Variants in MARCHF8 observed in about 807,000 individuals in gnomAD.
The protein encoded by MARCHF8 is membrane associated ring-CH-type finger 8, also known as E3 ubiquitin-protein ligase MARCHF8.
In MARCHF8, 40 loss-of-function variants were observed where a neutral mutation model predicts 51.6. The observed-to-expected ratio is 0.77, with a 90% CI of 0.60 to 1.01. The LOEUF (loss-of-function observed/expected upper bound fraction) is 1.01. Ranked by LOEUF, MARCHF8 falls within the 50% of genes least tolerant of loss-of-function variation. MARCHF8 has a pLI of 0.00. For missense variants in MARCHF8, 685 were observed against 708.6 expected, an observed-to-expected ratio of 0.97 and a Z score of 0.38; for synonymous variants, 263 against 280.3, an observed-to-expected ratio of 0.94 and a Z score of 0.62.
intron 1 of MARCHF8, among the ~76,000 whole-genome samples, chr10:45,540,637 C>T (rs1269912773): frequency 2.0e-5 from 3 of 152,262 alleles, no homozygotes; most frequent in African/African-American, 7.2e-5. Flanking sequence ...AGGCAACCTA[C>T]AGAATGGGAG....
In MARCHF8 at chr10:45,466,074, A is replaced by T. The variant is rs113063564; in HGVS notation, c.154-1747T>A. Among the ~76,000 whole-genome samples, 11 of 152,136 alleles carry T rather than the reference A, an allele frequency of 7.2e-5. 2 individuals are homozygous for T. The highest frequency in any genetic ancestry group is 2.2e-4 in the African/African-American group (9 of 41,496). On this transcript the variant is annotated intron_variant, in intron 3 of 7. Coordinates refer to ENST00000453424, the MANE Select transcript of MARCHF8 (RefSeq NM_001282866.2). The stretch of plus-strand genomic sequence containing the variant: ...TGTCCTTTTTCTCCAACTGCCTTAG[A>T]CACTGTCCCCTCTCCAGCATCCTCC...
chr10:45,474,266 A>T (rs2042746699), intron 3 of MARCHF8, among the ~76,000 whole-genome samples: 1 of 152,162 alleles, frequency 6.6e-6, no homozygotes, highest in African/African-American at 2.4e-5. Context: ...CAGTGGTGGC[A>T]CAGGACACAA....
At chr10:45,565,692 C>T (rs893988259) in intron 1 of MARCHF8, among the ~76,000 whole-genome samples, 1 of 151,982 alleles carries the variant, frequency 6.6e-6, no homozygotes, top group Admixed American at 6.5e-5. Context: ...AACTAGTAGA[C>T]CTAAACCCAA....
At chr10:45,461,531 T>C (rs989594193) in intron 5 of MARCHF8, 120 bp from the exon 6 acceptor site, 6 of 757,178 alleles carry the variant, frequency 7.9e-6, no homozygotes, top group African/African-American at 1.8e-5. Context: ...GAAGTGACTA[T>C]GGGCACAAAA....
intron 2 of MARCHF8, among the ~76,000 whole-genome samples, chr10:45,512,772 T>C (rs1190586086): frequency 2.0e-5 from 3 of 151,836 alleles, no homozygotes; most frequent in Non-Finnish European, 2.9e-5. Context: ...GGCGGTTTTG[T>C]GGAATAGAAA....
intron 1 of MARCHF8, among the ~76,000 whole-genome samples, chr10:45,533,752 C>T (rs2043928527): frequency 6.6e-6 from 1 of 152,060 alleles, no homozygotes; most frequent in African/African-American, 2.4e-5. Flanking sequence ...CCATACTTAA[C>T]CTTCCAAAAG....
chr10:45,515,053 T>C (rs939087402), intron 2 of MARCHF8, among the ~76,000 whole-genome samples: 1 of 152,254 alleles, frequency 6.6e-6, no homozygotes, highest in Non-Finnish European at 1.5e-5. Context: ...GGAATTTTCC[T>C]GGTTTCAGGC....
intron 2 of MARCHF8, among the ~76,000 whole-genome samples, chr10:45,514,600 T>C (rs1319430877): frequency 6.6e-6 from 1 of 152,254 alleles, no homozygotes; most frequent in Non-Finnish European, 1.5e-5. Context: ...GAATAATTCA[T>C]GACAAGTCCA....
chr10:45,470,389 C>T (rs1408576553), intron 3 of MARCHF8, among the ~76,000 whole-genome samples: 1 of 152,214 alleles, frequency 6.6e-6, no homozygotes, highest in Non-Finnish European at 1.5e-5. Flanking sequence ...CACATGACCC[C>T]TTCCCATCTT....
At chr10:45,561,828 G>A (rs1160593812) in intron 1 of MARCHF8, among the ~76,000 whole-genome samples, 2 of 144,482 alleles carry the variant, frequency 1.4e-5, no homozygotes, top group Non-Finnish European at 3.0e-5. Flanking sequence ...GTGAACCCAG[G>A]AAGCAGAGCT....
intron 1 of MARCHF8, among the ~76,000 whole-genome samples, chr10:45,588,746 C>G (rs1471312464): frequency 6.6e-6 from 1 of 151,988 alleles, no homozygotes; most frequent in Admixed American, 6.6e-5. Context: ...TGCCTGTAAT[C>G]CCAGCACTTT....
chr10:45,458,500 G>A lies in MARCHF8; in HGVS notation c.1461C>T (p.Ala487=), dbSNP rs1314844445. The change falls in exon 8 of 8, where the codon GCC becomes GCT. Residue 487 remains alanine, a synonymous_variant. Transcript: ENST00000453424. ...AAAGAAGTCCTCCGGTGAAGCCGAT[G>A]GCCACAACCACCAATTTAGTCCAAA... ...WPFWTKLVVV[A]IGFTGGLLFM... is the part of the protein sequence containing the mutation. 6.2e-7 allele frequency: 1 copy of A among 1,610,512 alleles called. No individual in the cohort carries two copies. Among genetic ancestry groups the A allele is most frequent in the Non-Finnish European group, 8.5e-7 (1 of 1,178,744 alleles).
At chr10:45,569,479 A>G (rs2044404651) in intron 1 of MARCHF8, among the ~76,000 whole-genome samples, 1 of 152,146 alleles carries the variant, frequency 6.6e-6, no homozygotes, top group African/African-American at 2.4e-5. Flanking sequence ...GATCTTTCTA[A>G]TGTATTGCTC....
intron 2 of MARCHF8, among the ~76,000 whole-genome samples, chr10:45,514,807 T>C (rs2043592282): frequency 6.6e-6 from 1 of 152,154 alleles, no homozygotes; most frequent in African/African-American, 2.4e-5. Flanking sequence ...TTTTTTAATG[T>C]AGAAAAGCTA....
At chr10:45,478,952 T>G (rs1041196962) in intron 3 of MARCHF8, among the ~76,000 whole-genome samples, 2 of 152,214 alleles carry the variant, frequency 1.3e-5, no homozygotes, top group Admixed American at 6.5e-5. Context: ...AATTCTTCTC[T>G]ATTCCAAAAA....
chr10:45,490,284 T>A (rs1159372381), intron 2 of MARCHF8, among the ~76,000 whole-genome samples: 3 of 152,172 alleles, frequency 2.0e-5, no homozygotes, highest in African/African-American at 7.2e-5. Context: ...ATAGGGACTT[T>A]AAAGATGTAA....
chr10:45,503,532 G>C (rs71494798), intron 2 of MARCHF8, among the ~76,000 whole-genome samples: 2 of 112,972 alleles, frequency 1.8e-5, no homozygotes, highest in Non-Finnish European at 3.7e-5. Context: ...ACGAGACTCC[G>C]TCTCAAATAA....
chr10:45,533,979 C>G (rs928352922), intron 1 of MARCHF8, among the ~76,000 whole-genome samples: 4 of 152,110 alleles, frequency 2.6e-5, no homozygotes, highest in South Asian at 2.1e-4. Context: ...GTCAGGAGAT[C>G]GAGACCACCC....
intron 2 of MARCHF8, among the ~76,000 whole-genome samples, chr10:45,503,591 A>T (rs986371507): frequency 6.6e-5 from 10 of 150,412 alleles, no homozygotes; most frequent in African/African-American, 2.4e-4. Flanking sequence ...AAAAATAAAT[A>T]AAAAACAACC....
Sources: gnomAD v4.1 joint callset for allele counts (sites outside exome capture counted in the v4.1 genomes callset) on GRCh38, gnomAD v4.1.1 for gene constraint, MANE v1.5 for transcripts, NCBI Gene and HGNC (gene_info 2026-07-23, HGNC 2026-07-21) for gene names.